Variants in TTN observed in about 807,000 individuals in gnomAD.
The protein encoded by TTN is connectin.
Under a neutral mutation model 3,223.0 loss-of-function variants are expected in TTN, and 1,525 were observed. The ratio of observed to expected loss-of-function variants is 0.47; its 90% CI spans 0.45 to 0.49. The LOEUF (loss-of-function observed/expected upper bound fraction) is 0.49. Among genes scored for constraint, TTN ranks in the 20% least tolerant of loss-of-function variants. The pLI, the probability that TTN is intolerant of heterozygous loss-of-function variation, is 0.00. For synonymous variants in TTN, 14,094 were observed against 15,161.0 expected, an observed-to-expected ratio of 0.93 and a Z score of 5.17; for missense variants, 40,786 against 43,424.0, an observed-to-expected ratio of 0.94 and a Z score of 5.40.
intron 112 of TTN, among the ~76,000 whole-genome samples, 182 bp downstream of exon 112, chr2:178,698,661 G>C (rs1221979212): frequency 2.0e-5 from 3 of 152,002 alleles, no homozygotes; most frequent in African/African-American, 7.2e-5. Flanking sequence ...AAAGAGAAAA[G>C]GGGGAAAAAA....
rs1029708061 is a variant in TTN at position 178,800,541 on chromosome 2, C to T, written c.437G>A (p.Ser146Asn). ...KFYRDGAEIQSSLDFQISQEG... is the reference protein window; with the variant it reads ...KFYRDGAEIQNSLDFQISQEG... ...TTGTGAAATTTGGAAATCAAGGGAGCTCTGGATTTCGGCTCCATCCCGGTA... is the reference window on the plus strand; with the variant it reads ...TTGTGAAATTTGGAAATCAAGGGAGTTCTGGATTTCGGCTCCATCCCGGTA... The change falls in exon 4 of 363, where the codon AGC (serine) becomes AAC (asparagine). Residue 146 changes from serine to asparagine, a missense_variant. Ser to Asn is a conservative substitution (Grantham distance 46, BLOSUM62 1). Coordinates refer to ENST00000589042, the MANE Select transcript of TTN (RefSeq NM_001267550.2). 5 of 1,614,140 alleles carry T rather than the reference C, an allele frequency of 3.1e-6. No individual in the cohort carries two copies. The highest frequency in any genetic ancestry group is 1.3e-5 in the African/African-American group (1 of 75,040).
chr2:178,543,139 C>T lies in TTN; in HGVS notation c.96834G>A (p.Arg32278=), dbSNP rs558927011. The change falls in exon 347 of 363, where the codon AGG becomes AGA. Residue 32278 remains arginine (R), a synonymous_variant. Coordinates refer to ENST00000589042, the MANE Select transcript of TTN (RefSeq NM_001267550.2). The stretch of plus-strand genomic sequence containing the variant: ...CTGACACACCTTTCTCATTTTGTGC[C>T]CTTATTCTAAATAAGTATTGTTCAC... ...NEGEQYLFRI[R]AQNEKGVSEP... is the part of the protein sequence containing the mutation. 16 of 1,612,010 alleles carry T rather than the reference C, an allele frequency of 9.9e-6. No individual in the cohort carries two copies. The highest frequency in any genetic ancestry group is 1.4e-5 in the Non-Finnish European group (16 of 1,178,696).
Position 178,712,537 on chromosome 2 carries a change from G to A in TTN, c.27385C>T (p.Leu9129=), listed in dbSNP as rs2076810907. The A allele has an allele frequency of 1.9e-6, 3 of 1,613,414 alleles. No individual in the cohort carries two copies. The highest frequency in any genetic ancestry group is 2.7e-5 in the African/African-American group (2 of 74,912). Residue 9129 remains leucine, a synonymous_variant, in exon 95 of 363, where the codon CTG becomes TTG. Transcript: ENST00000589042. ...NDYSIEKGKP[L]ILEGTFTGTP... is the part of the protein sequence containing the mutation. ...CCAGTGAATGTACCCTCTAGGATCA[G>A]GGGTTTTCCTTTCTCTATGCTGTAA... is the stretch of plus-strand genomic sequence containing the variant.
At chr2:178,747,958 A>T in intron 47 of TTN, 6 of 1,612,754 alleles carry the variant, frequency 3.7e-6, no homozygotes, top group Non-Finnish European at 5.1e-6. Context: ...CCTGAACATC[A>T]CCTCTGTGGT....
Position 178,694,910 on chromosome 2 carries a change from C to T in TTN, c.31271-4G>A. On this transcript the variant is annotated splice_polypyrimidine_tract_variant and splice_region_variant and intron_variant, in intron 115 of 362. Coordinates refer to ENST00000589042, the MANE Select transcript of TTN (RefSeq NM_001267550.2). ...TCAATTACTGGCTTCTTTATAACTG[C>T]AAGCATTTTAGAGAAATTGCAGTAC... 2.6e-6 allele frequency: 4 copies of T among 1,540,344 alleles called. No individual in the cohort carries two copies. The highest frequency in any genetic ancestry group is 3.5e-6 in the Non-Finnish European group (4 of 1,140,090).
At position 178,756,456 on chromosome 2, in the gene TTN, C is replaced by T. The variant is rs752146394; in HGVS notation, c.11020G>A (p.Gly3674Ser). ...LHLQDVTVKCGDTAQFLCVLK... is the reference protein window; with the variant it reads ...LHLQDVTVKCSDTAQFLCVLK... The stretch of plus-strand genomic sequence containing the variant: ...ACACAGAGGAATTGAGCCGTGTCAC[C>T]GCACTTTACAGTGACGTCCTGAAGA... Residue 3674 changes from glycine (G) to serine (S), a missense_variant, in exon 46 of 363, where the codon GGT (glycine) becomes AGT (serine). Physicochemically the swap from Gly to Ser is moderately conservative, Grantham distance 56. Transcript: ENST00000589042. 64 of 1,613,610 alleles carry T rather than the reference C, an allele frequency of 4.0e-5. No homozygotes were observed. In the Middle Eastern group the frequency reaches 4.9e-4, roughly 12 times the overall value.
In TTN at chr2:178,711,966, T is replaced by G; in HGVS notation, c.27864A>C (p.Ala9288=). The G allele has an allele frequency of 6.2e-7, 1 of 1,603,330 alleles. No individual in the cohort carries two copies. The change falls in exon 96 of 363, where the codon GCA becomes GCC. Residue 9288 remains alanine (A), a synonymous_variant. Transcript: ENST00000589042. ...KAENSVGEVS[A]STFLTVQEQK... ...CACCTTGAACGGTAAGGAAAGTTGATGCAGAAACTTCTCCCACGCTGTTTT... is the reference window on the plus strand; with the variant it reads ...CACCTTGAACGGTAAGGAAAGTTGAGGCAGAAACTTCTCCCACGCTGTTTT...
At position 178,577,430 on chromosome 2, in the gene TTN, T is replaced by C. The variant is rs771013967; in HGVS notation, c.68905A>G (p.Ile22969Val). ...GGAAGGGGTTTGCCAAGAATGCTAA[T>C]GGCATTCAAAACAATGGTATCCCCT... The part of the protein sequence containing the change: ...KAGDTIVLNA[I>V]SILGKPLPKS... The change falls in exon 324 of 363, where the codon ATT (isoleucine) becomes GTT (valine). Residue 22969 changes from isoleucine (I) to valine (V), a missense_variant. By Grantham distance (29) the Ile-to-Val change is conservative. Transcript: ENST00000589042. 5.6e-6 allele frequency: 9 copies of C among 1,610,768 alleles called. No homozygotes were observed. The East Asian group carries it at 1.6e-4, about 28-fold the overall frequency.
chr2:178,663,179 C>G (rs922973093), intron 173 of TTN, 87 bp downstream of exon 173: 21 of 1,599,676 alleles, frequency 1.3e-5, no homozygotes, highest in Admixed American at 3.4e-5. Context: ...ATTATATCAT[C>G]TTTATGTAGT....
At position 178,608,482 on chromosome 2, in the gene TTN, T is replaced by TA. The variant is rs1553688916; in HGVS notation, c.52406-6dup. ...TATCTGGTGCATCAGGTGGTCCTGA[T>TA]AAAAAAATAACATTTGAAGTAAATT... is the stretch of plus-strand genomic sequence containing the variant. On this transcript the variant is annotated splice_polypyrimidine_tract_variant and splice_region_variant and intron_variant, in intron 274 of 362. Coordinates refer to ENST00000589042, the MANE Select transcript of TTN (RefSeq NM_001267550.2). The TA allele has an allele frequency of 5.1e-6, 8 of 1,572,048 alleles. No homozygotes were observed. Among genetic ancestry groups the TA allele is most frequent in the East Asian group, 4.5e-5 (2 of 44,008 alleles).
Position 178,777,155 on chromosome 2 carries a change from T to G in TTN, c.4808A>C (p.Lys1603Thr). 1 of 1,614,106 alleles carries G rather than the reference T, an allele frequency of 6.2e-7. No individual in the cohort carries two copies. The highest frequency in any genetic ancestry group is 8.5e-7 in the Non-Finnish European group (1 of 1,179,988). The change falls in exon 27 of 363, where the codon AAA (lysine) becomes ACA (threonine). Residue 1603 changes from lysine (K) to threonine (T), a missense_variant. Lys to Thr is a moderately conservative substitution (Grantham distance 78). Coordinates refer to ENST00000589042, the MANE Select transcript of TTN (RefSeq NM_001267550.2). Reference protein sequence around the residue: ...SDIIVPHKYPKIRIEGTKGEA... With the variant: ...SDIIVPHKYPTIRIEGTKGEA... The stretch of plus-strand genomic sequence containing the variant: ...TTATTATTTCCATACTTACCTGATT[T>G]TGGGATATTTATGAGGCACAATGAT...
rs562470170 is a variant in TTN, at chr2:178,579,879, C to A, written c.67349-31G>T. ...GCAAAGGAGAAATGATAAGTGTAAG[C>A]CCCATATAACAAAGGAAGGATATAA... On this transcript the variant is annotated intron_variant, in intron 318 of 362. Transcript: ENST00000589042. 1.9e-6 allele frequency: 3 copies of A among 1,612,170 alleles called. No individual in the cohort carries two copies. In the Admixed American group the frequency reaches 5.0e-5, roughly 27 times the overall value.
In TTN at chr2:178,546,462, A is replaced by G. The variant is rs752379093; in HGVS notation, c.94869T>C (p.Asp31623=). The change falls in exon 342 of 363, where the codon GAT becomes GAC. Residue 31623 remains aspartate, a synonymous_variant. Transcript: ENST00000589042. ...CAGAACCTGCTCTGATGGTAACCAG[A>G]TCACCGTGTAATCGGGCATCCAGTT... The part of the protein sequence containing the change: ...KAELDARLHG[D]LVTIRAGSDL... 44 of 1,613,466 alleles carry G rather than the reference A, an allele frequency of 2.7e-5. 1 individual carries two copies. The South Asian group carries it at 4.5e-4, about 17-fold the overall frequency.
In TTN at chr2:178,601,098, G is replaced by T. The variant is rs751325503; in HGVS notation, c.55806C>A (p.Pro18602=). 6.2e-7 allele frequency: 1 copy of T among 1,602,146 alleles called. No homozygotes were observed. Among genetic ancestry groups the T allele is most frequent in the Admixed American group, 1.7e-5 (1 of 58,934 alleles). The change falls in exon 288 of 363, where the codon CCC becomes CCA. Residue 18602 remains proline (P), a synonymous_variant. Transcript: ENST00000589042. ...CAGGGGAGCCCCCATCATTCTTCGGGGGTTTCCATGACAGATGCACTGTGT... is the reference window on the plus strand; with the variant it reads ...CAGGGGAGCCCCCATCATTCTTCGGTGGTTTCCATGACAGATGCACTGTGT... ...TKNTVHLSWK[P]PKNDGGSPVT...
At chr2:178,739,005 G>A in intron 48 of TTN, 136 bp downstream of exon 48, 6 of 1,163,012 alleles carry the variant, frequency 5.2e-6, no homozygotes, top group Non-Finnish European at 6.9e-6. Context: ...CCATGATTAT[G>A]TCTGTGATTT....
At chr2:178,676,640 T>A (rs2068122156) in intron 147 of TTN, among the ~76,000 whole-genome samples, 1 of 150,932 alleles carries the variant, frequency 6.6e-6, no homozygotes, top group African/African-American at 2.4e-5. Flanking sequence ...TACAGGAAAA[T>A]AACTTCAGGC....
intron 47 of TTN, chr2:178,746,312 T>A: frequency 1.2e-6 from 2 of 1,612,570 alleles, no homozygotes; most frequent in Non-Finnish European, 1.7e-6. Flanking sequence ...GTCTTCTCCC[T>A]CCCTTGAATC....
At position 178,581,677 on chromosome 2, in the gene TTN, C is replaced by A. The variant is rs2047777322; in HGVS notation, c.66591G>T (p.Arg22197=). The A allele has an allele frequency of 6.2e-7, 1 of 1,612,546 alleles. No homozygotes were observed. The highest frequency in any genetic ancestry group is 2.2e-5 in the East Asian group (1 of 44,592). ...ACCTCACCCAGTTATCGGAGTCAGC[C>A]CGTTTTACTTCAACGAGATAACCAA... ...PIIGYLVEVK[R]ADSDNWVRCN... is the part of the protein sequence containing the mutation. Residue 22197 remains arginine (R), a synonymous_variant, in exon 316 of 363, where the codon CGG becomes CGT. Coordinates refer to ENST00000589042, the MANE Select transcript of TTN (RefSeq NM_001267550.2).
At position 178,551,232 on chromosome 2, in the gene TTN, A is replaced by T; in HGVS notation, c.91299T>A (p.Asp30433Glu). The stretch of plus-strand genomic sequence containing the variant: ...TAAGTGTGATGGTTTCCCGGGTGAC[A>T]TCAATGTAGTCAGGAGTGCCAGGTG... The part of the protein sequence containing the change: ...VDPPGTPDYI[D>E]VTRETITLKW... The change falls in exon 336 of 363, where the codon GAT (aspartate) becomes GAA (glutamate). Residue 30433 changes from aspartate to glutamate, a missense_variant. Transcript: ENST00000589042. 6.2e-7 allele frequency: 1 copy of T among 1,613,244 alleles called. No individual in the cohort carries two copies. Among genetic ancestry groups the T allele is most frequent in the Non-Finnish European group, 8.5e-7 (1 of 1,179,586 alleles).
Sources: gnomAD v4.1 joint callset for allele counts (sites outside exome capture counted in the v4.1 genomes callset) on GRCh38, gnomAD v4.1.1 for gene constraint, MANE v1.5 for transcripts, NCBI Gene and HGNC (gene_info 2026-07-23, HGNC 2026-07-21) for gene names.